CDH8: variants seen among roughly 807,000 people sequenced by gnomAD.
CDH8 encodes the protein cadherin-8.
In CDH8, 17 loss-of-function variants were observed where a neutral mutation model predicts 68.1. The observed-to-expected ratio is 0.25, with a 90% CI of 0.17 to 0.37. The LOEUF (loss-of-function observed/expected upper bound fraction) is 0.37. Among genes scored for constraint, CDH8 ranks in the 10% least tolerant of loss-of-function variants. The probability of loss-of-function intolerance (pLI) is 1.00; values close to 1 mark genes in which losing one functional copy is unlikely to be tolerated. For synonymous variants in CDH8, 372 were observed against 365.1 expected, an observed-to-expected ratio of 1.02 and a Z score of -0.21; for missense variants, 763 against 999.3, an observed-to-expected ratio of 0.76 and a Z score of 3.19.
chr16:61,847,538 TTATA>T (rs56946081), intron 4 of CDH8, among the ~76,000 whole-genome samples: 1,447 of 136,706 alleles, frequency 0.011, 21 homozygotes, highest in Middle Eastern at 0.036. Context: ...TCCAATCATT[TTATA>T]TATATATATA....
In CDH8 at chr16:61,648,377, T is replaced by C; in HGVS notation, c.*5231A>G. 6.6e-6 allele frequency: 1 copy of C among 152,386 alleles called. No individual in the cohort carries two copies. The highest frequency in any genetic ancestry group is 1.9e-4 in the East Asian group (1 of 5,186). The allele number at this position is 152,386 out of a possible 1,614,324, so 9.4% of individuals were successfully genotyped here. ...AAAGCTGTGATTTCTGTTGCACCCA[T>C]TCTTGAGTTCCCATCTTTTTGGAAA... On this transcript the variant is annotated 3_prime_UTR_variant, in exon 12 of 12. Transcript: ENST00000577390.
At chr16:61,858,030 C>G (rs935248143) in intron 3 of CDH8, among the ~76,000 whole-genome samples, 2 of 151,916 alleles carry the variant, frequency 1.3e-5, no homozygotes, top group African/African-American at 4.8e-5. Context: ...TTCCACCTGC[C>G]TCCCCAAGTA....
In CDH8 at chr16:61,655,581, A is replaced by G. The variant is rs751958648; in HGVS notation, c.1795T>C (p.Cys599Arg). ...GACTGGACGACACCGTCATTGCTGCAGCCACAGACCCTGATTGTCAAGGTG... is the reference window on the plus strand; with the variant it reads ...GACTGGACGACACCGTCATTGCTGCGGCCACAGACCCTGATTGTCAAGGTG... ...TSTLTIRVCG[C>R]SNDGVVQSCN... is the part of the protein sequence containing the mutation. Residue 599 changes from cysteine (C) to arginine (R), a missense_variant, in exon 11 of 12, where the codon TGC (cysteine) becomes CGC (arginine). Physicochemically the swap from Cys to Arg is radical, Grantham distance 180. Around this residue, in one of 2 missense-constraint regions of CDH8, gnomAD observed 397 missense variants for 436.2 expected, o/e 0.91. Coordinates refer to ENST00000577390, the MANE Select transcript of CDH8 (RefSeq NM_001796.5). 1 of 1,614,216 alleles carries G rather than the reference A, an allele frequency of 6.2e-7. No homozygotes were observed. The highest frequency in any genetic ancestry group is 8.5e-7 in the Non-Finnish European group (1 of 1,180,026).
At chr16:61,835,697 A>G (rs1037921407) in intron 4 of CDH8, among the ~76,000 whole-genome samples, 1 of 152,036 alleles carries the variant, frequency 6.6e-6, no homozygotes, top group Non-Finnish European at 1.5e-5. Flanking sequence ...TATTTCTGTG[A>G]AGAACATGAT....
chr16:61,653,469 A>G lies in CDH8; in HGVS notation c.*139T>C. ...TTTTATTATCTTTTTTTGGTTCAAC[A>G]TTAAAATGTGGTTGAGTTTATAGAT... On this transcript the variant is annotated 3_prime_UTR_variant, in exon 12 of 12. Coordinates refer to ENST00000577390, the MANE Select transcript of CDH8 (RefSeq NM_001796.5). The G allele has an allele frequency of 6.9e-7, 1 of 1,455,770 alleles. No homozygotes were observed. Among genetic ancestry groups the G allele is most frequent in the Non-Finnish European group, 9.1e-7 (1 of 1,104,800 alleles). 90.2% of individuals were successfully genotyped at this position (1,455,770 alleles called of 1,614,324 possible).
intron 3 of CDH8, among the ~76,000 whole-genome samples, chr16:61,862,386 T>A (rs1459026535): frequency 6.6e-6 from 1 of 152,176 alleles, no homozygotes; most frequent in Non-Finnish European, 1.5e-5. Context: ...TTTGAATGAA[T>A]GCCATATCTC....
intron 10 of CDH8, among the ~76,000 whole-genome samples, chr16:61,673,909 G>A (rs995874044): frequency 6.6e-6 from 1 of 152,032 alleles, no homozygotes. Context: ...ATATGATAAG[G>A]TTCATGAATC....
chr16:61,858,360 G>T (rs1218298074), intron 3 of CDH8, among the ~76,000 whole-genome samples: 2 of 152,122 alleles, frequency 1.3e-5, no homozygotes, highest in African/African-American at 4.8e-5. Flanking sequence ...CAAAGTAGTG[G>T]GAGAGACTAT....
At chr16:61,765,453 C>T (rs533439108) in intron 8 of CDH8, among the ~76,000 whole-genome samples, 1 of 152,080 alleles carries the variant, frequency 6.6e-6, no homozygotes, top group South Asian at 2.1e-4. Context: ...GATACTCATT[C>T]AGCTTTACCC....
At chr16:61,875,184 CT>C (rs149789155) in intron 3 of CDH8, among the ~76,000 whole-genome samples, 3,166 of 149,774 alleles carry the variant, frequency 0.021, 109 homozygotes, top group African/African-American at 0.073. Flanking sequence ...GTCAACATTA[CT>C]TTTTTTTTTC....
intron 2 of CDH8, among the ~76,000 whole-genome samples, chr16:61,978,404 ATAG>A: frequency 6.6e-6 from 1 of 152,264 alleles, no homozygotes; most frequent in East Asian, 1.9e-4. Flanking sequence ...GATATTGGTA[ATAG>A]TAGTGGTAGG....
At position 61,903,954 on chromosome 16, in the gene CDH8, TAA is replaced by T. The variant is rs59909012; in HGVS notation, c.253-2483_253-2482del. Among the ~76,000 whole-genome samples, 1,210 of 147,694 alleles carry T rather than the reference TAA, an allele frequency of 8.2e-3. 15 individuals carry two copies. The highest frequency in any genetic ancestry group is 0.028 in the African/African-American group (1,125 of 39,706). ...CAGCTTTTAAATATACAGCACTTTT[TAA>T]AAAAAAAAAAATGAGGTATATACGT... On this transcript the variant is annotated intron_variant, in intron 2 of 11. Coordinates refer to ENST00000577390, the MANE Select transcript of CDH8 (RefSeq NM_001796.5).
intron 10 of CDH8, among the ~76,000 whole-genome samples, chr16:61,681,751 A>C (rs1002451682): frequency 6.6e-6 from 1 of 151,974 alleles, no homozygotes; most frequent in Non-Finnish European, 1.5e-5. Context: ...GCATTCACAT[A>C]GGAAAGCAGC....
intron 3 of CDH8, among the ~76,000 whole-genome samples, chr16:61,881,510 A>T (rs1963576667): frequency 6.6e-6 from 1 of 152,198 alleles, no homozygotes; most frequent in Non-Finnish European, 1.5e-5. Flanking sequence ...AATTCTGAAA[A>T]TTCATCCTAA....
chr16:61,701,441 T>G (rs961939120), intron 10 of CDH8, among the ~76,000 whole-genome samples: 1 of 152,246 alleles, frequency 6.6e-6, no homozygotes, highest in Non-Finnish European at 1.5e-5. Context: ...CCTTTTCATT[T>G]AATGCATTTG....
chr16:61,655,934 G>T (rs1963437969), intron 10 of CDH8, among the ~76,000 whole-genome samples: 1 of 150,484 alleles, frequency 6.6e-6, no homozygotes, highest in East Asian at 2.0e-4. Context: ...GTGCAGTGGC[G>T]CTATCTCGGC....
intron 8 of CDH8, 106 bp from the exon 9 acceptor site, chr16:61,727,321 A>G: frequency 8.5e-7 from 1 of 1,174,616 alleles, no homozygotes; most frequent in Middle Eastern, 2.0e-4. Context: ...TCCCTTAATT[A>G]GGATGTTTTC....
intron 10 of CDH8, chr16:61,711,618 G>C (rs113915103): frequency 5.2e-4 from 79 of 151,738 alleles, no homozygotes; most frequent in African/African-American, 1.8e-3. Flanking sequence ...CAAGTAAGTA[G>C]TGGTCTATGA....
chr16:61,820,866 C>T, intron 6 of CDH8, 60 bp downstream of exon 6: 1 of 1,473,074 alleles, frequency 6.8e-7, no homozygotes, highest in Non-Finnish European at 9.3e-7. Context: ...AGTCCCTCAA[C>T]TTTAAAACTC....
Sources: gnomAD v4.1 joint callset for allele counts (sites outside exome capture counted in the v4.1 genomes callset) on GRCh38, gnomAD v4.1.1 for gene constraint, gnomAD v4.1.1 regional missense constraint, MANE v1.5 for transcripts, NCBI Gene and HGNC (gene_info 2026-07-23, HGNC 2026-07-21) for gene names.